The following CADM2 variants were observed in gnomAD, a reference collection of about 807,000 sequenced individuals.
CADM2 encodes cell adhesion molecule 2, also known as immunoglobulin superfamily member 4D.
CADM2 carries 12 observed loss-of-function variants against 49.8 expected under a neutral mutation model. The ratio of observed to expected loss-of-function variants is 0.24; its 90% CI spans 0.15 to 0.39. The LOEUF (loss-of-function observed/expected upper bound fraction) is 0.39. Ranked by LOEUF, CADM2 falls within the 10% of genes least tolerant of loss-of-function variation. The pLI is 1.00. For missense variants in CADM2, 378 were observed against 492.3 expected, an observed-to-expected ratio of 0.77 and a Z score of 2.20; for synonymous variants, 214 against 175.4, an observed-to-expected ratio of 1.22 and a Z score of -1.74.
intron 1 of CADM2, among the ~76,000 whole-genome samples, chr3:85,058,468 G>C (rs1247324984): frequency 6.6e-6 from 1 of 151,798 alleles, no homozygotes; most frequent in Non-Finnish European, 1.5e-5. Flanking sequence ...TTTTGAGACA[G>C]AATTTTGCTC....
At chr3:85,071,018 A>T (rs2036721514) in intron 1 of CADM2, among the ~76,000 whole-genome samples, 1 of 150,884 alleles carries the variant, frequency 6.6e-6, no homozygotes, top group African/African-American at 2.4e-5. Context: ...AAATAAATAA[A>T]TAAACAAATA....
chr3:85,456,690 C>G (rs529233419), intron 1 of CADM2, among the ~76,000 whole-genome samples: 1 of 152,124 alleles, frequency 6.6e-6, no homozygotes, highest in South Asian at 2.1e-4. Flanking sequence ...TTTCAGATGA[C>G]ACCCTCTATG....
intron 5 of CADM2, among the ~76,000 whole-genome samples, chr3:85,889,825 G>A (rs1412138408): frequency 6.6e-6 from 1 of 152,088 alleles, no homozygotes; most frequent in Non-Finnish European, 1.5e-5. Flanking sequence ...AGCTTTCACA[G>A]TTGAGAAAGA....
At chr3:85,580,248 T>C (rs2062756720) in intron 1 of CADM2, among the ~76,000 whole-genome samples, 1 of 152,166 alleles carries the variant, frequency 6.6e-6, no homozygotes, top group Admixed American at 6.6e-5. Flanking sequence ...CCATTGCATA[T>C]GCAGGAGGAC....
At chr3:85,618,741 T>C (rs1263806896) in intron 1 of CADM2, among the ~76,000 whole-genome samples, 1 of 152,146 alleles carries the variant, frequency 6.6e-6, no homozygotes, top group African/African-American at 2.4e-5. Context: ...GTATAATTTA[T>C]TTTTATTTTT....
At chr3:85,927,942 T>C (rs922550388) in intron 6 of CADM2, among the ~76,000 whole-genome samples, 1 of 152,112 alleles carries the variant, frequency 6.6e-6, no homozygotes, top group Non-Finnish European at 1.5e-5. Flanking sequence ...CTAAATACTT[T>C]CAAAGCTTGT....
intron 1 of CADM2, among the ~76,000 whole-genome samples, chr3:84,989,682 A>G (rs1422007372): frequency 2.0e-5 from 3 of 152,066 alleles, no homozygotes; most frequent in Non-Finnish European, 4.4e-5. Flanking sequence ...ACTAAATTGC[A>G]TGAGATTTTG....
intron 1 of CADM2, among the ~76,000 whole-genome samples, chr3:85,394,707 T>A (rs973267008): frequency 9.2e-5 from 14 of 152,190 alleles, no homozygotes; most frequent in African/African-American, 3.1e-4. Flanking sequence ...TTATCATGAT[T>A]TAGATATTTA....
intron 2 of CADM2, among the ~76,000 whole-genome samples, chr3:85,763,383 C>CT (rs1279772863): frequency 6.6e-6 from 1 of 152,178 alleles, no homozygotes; most frequent in Admixed American, 6.6e-5. Context: ...TTGTATGGCA[C>CT]TTTACTGATA....
In CADM2 at chr3:85,191,027, A is replaced by G. The variant is rs903626937; in HGVS notation, c.61+231359A>G. Among the ~76,000 whole-genome samples the G allele has an allele frequency of 2.0e-5, 3 of 152,206 alleles. No individual in the cohort carries two copies. The South Asian group carries it at 6.2e-4, about 32-fold the overall frequency. ...TTTATTTTAAAAAAGGAATGGGTGT[A>G]GTTCATTTTGCTTTGTAATTAGCAT... On this transcript the variant is annotated intron_variant, in intron 1 of 9. Transcript: ENST00000383699.
At chr3:85,890,205 G>A (rs1192966289) in intron 5 of CADM2, among the ~76,000 whole-genome samples, 3 of 151,974 alleles carry the variant, frequency 2.0e-5, no homozygotes, top group Non-Finnish European at 2.9e-5. Context: ...AAAAAAAGGG[G>A]TTTAGGGGAA....
chr3:85,437,506 A>C (rs1394158144), intron 1 of CADM2, among the ~76,000 whole-genome samples: 1 of 152,090 alleles, frequency 6.6e-6, no homozygotes, highest in Non-Finnish European at 1.5e-5. Context: ...TATTCTTATC[A>C]GCATTTTGGT....
intron 1 of CADM2, among the ~76,000 whole-genome samples, chr3:85,605,852 CAT>C (rs927275948): frequency 9.1e-4 from 138 of 152,144 alleles, no homozygotes; most frequent in African/African-American, 1.2e-3. Flanking sequence ...TGTACAGTAA[CAT>C]GTGTTAATTA....
At chr3:86,000,747 A>G (rs1730085115) in intron 8 of CADM2, among the ~76,000 whole-genome samples, 1 of 152,140 alleles carries the variant, frequency 6.6e-6, no homozygotes, top group African/African-American at 2.4e-5. Flanking sequence ...TAGAATGCCG[A>G]TTGTCACAAA....
At chr3:85,270,366 T>C (rs1354974196) in intron 1 of CADM2, among the ~76,000 whole-genome samples, 2 of 151,348 alleles carry the variant, frequency 1.3e-5, no homozygotes, top group Non-Finnish European at 3.0e-5. Context: ...AATATCCAGC[T>C]CTATATATGC....
intron 7 of CADM2, among the ~76,000 whole-genome samples, chr3:85,949,941 GC>G (rs1461902921): frequency 6.6e-6 from 1 of 151,034 alleles, no homozygotes; most frequent in Non-Finnish European, 1.5e-5. Flanking sequence ...TGATTAGGAT[GC>G]TTATAGAAAC....
chr3:85,440,966 C>G (rs1284316701), intron 1 of CADM2, among the ~76,000 whole-genome samples: 1 of 151,850 alleles, frequency 6.6e-6, no homozygotes, highest in African/African-American at 2.4e-5. Flanking sequence ...GTCCCAAAAA[C>G]ATAAATAAAT....
chr3:85,022,021 C>T (rs2034533088), intron 1 of CADM2, among the ~76,000 whole-genome samples: 1 of 152,132 alleles, frequency 6.6e-6, no homozygotes, highest in South Asian at 2.1e-4. Flanking sequence ...TCTAATACAT[C>T]CTGTGTTTCT....
chr3:85,342,228 A>G (rs554710243), intron 1 of CADM2, among the ~76,000 whole-genome samples: 3 of 152,292 alleles, frequency 2.0e-5, no homozygotes, highest in East Asian at 1.9e-4. Context: ...TTCTCAAAAG[A>G]AGACATTTAT....
Sources: allele counts gnomAD v4.1 joint callset (sites outside exome capture counted in the v4.1 genomes callset), GRCh38; gene constraint gnomAD v4.1.1; transcripts MANE v1.5; gene names NCBI Gene and HGNC (gene_info 2026-07-23, HGNC 2026-07-21).